THEMIS: variants seen among roughly 807,000 people sequenced by gnomAD.
THEMIS encodes the protein thymocyte selection associated, also known as protein THEMIS.
In THEMIS, 37 loss-of-function variants were observed where a neutral mutation model predicts 52.6. The observed-to-expected ratio is 0.70, with a 90% CI of 0.54 to 0.93. THEMIS has a LOEUF of 0.93. Among genes scored for constraint, THEMIS ranks in the 40% least tolerant of loss-of-function variants. The pLI is 0.00. For synonymous variants in THEMIS, 292 were observed against 272.7 expected (o/e 1.07, Z -0.70); for missense variants, 808 against 763.1 (o/e 1.06, Z -0.69).
At chr6:127,751,337 CA>C (rs1775637426) in intron 4 of THEMIS, among the ~76,000 whole-genome samples, 1 of 151,080 alleles carries the variant, frequency 6.6e-6, no homozygotes, top group Admixed American at 6.6e-5. Flanking sequence ...ATAGTAATAA[CA>C]AAGAAAAACC....
At chr6:127,712,724 C>A (rs554380713) in intron 5 of THEMIS, among the ~76,000 whole-genome samples, 1 of 151,744 alleles carries the variant, frequency 6.6e-6, no homozygotes, top group Admixed American at 6.6e-5. Flanking sequence ...TTGCTTTTTG[C>A]TTTTCTTTCT....
intron 4 of THEMIS, among the ~76,000 whole-genome samples, chr6:127,763,851 AAAG>A (rs1367562297): frequency 6.6e-6 from 1 of 151,964 alleles, no homozygotes; most frequent in East Asian, 1.9e-4. Context: ...TATATCACTC[AAAG>A]AAGTTTTTCC....
chr6:127,905,984 A>ATTAAATGAAATAATTTAAATGTAAT (rs1781260418), upstream of THEMIS, among the ~76,000 whole-genome samples: 1 of 145,580 alleles, frequency 6.9e-6, no homozygotes, highest in Admixed American at 6.7e-5. Flanking sequence ...TTTAAATGTA[A>ATTAAATGAAATAATTTAAATGTAAT]TTAAATGAAA....
intron 4 of THEMIS, among the ~76,000 whole-genome samples, chr6:127,722,366 C>A (rs1419299134): frequency 6.6e-6 from 1 of 151,940 alleles, no homozygotes; most frequent in Non-Finnish European, 1.5e-5. Flanking sequence ...GCACATTATA[C>A]CCTGGCATCT....
At chr6:127,864,202 G>C (rs1452532688) in intron 1 of THEMIS, among the ~76,000 whole-genome samples, 6 of 151,754 alleles carry the variant, frequency 4.0e-5, no homozygotes, top group Admixed American at 2.0e-4. Flanking sequence ...TAGACCAAGG[G>C]GGGCACAGTG....
chr6:127,734,812 T>C (rs1774933040), intron 4 of THEMIS, among the ~76,000 whole-genome samples: 1 of 128,068 alleles, frequency 7.8e-6, no homozygotes, highest in Non-Finnish European at 1.5e-5. Context: ...GAGGTTGCAA[T>C]GAGCCGAGAT....
At chr6:127,838,823 T>A (rs1321767008) in intron 2 of THEMIS, among the ~76,000 whole-genome samples, 1 of 152,132 alleles carries the variant, frequency 6.6e-6, no homozygotes, top group Non-Finnish European at 1.5e-5. Context: ...TAAAGTCTGT[T>A]TCTGAGCTAT....
intron 4 of THEMIS, among the ~76,000 whole-genome samples, chr6:127,794,502 A>C (rs1419161478): frequency 2.0e-5 from 3 of 151,692 alleles, no homozygotes; most frequent in Non-Finnish European, 4.4e-5. Context: ...TGGTTGAATC[A>C]TTTTTATTTA....
intron 2 of THEMIS, among the ~76,000 whole-genome samples, chr6:127,853,277 A>G (rs1779494545): frequency 6.6e-6 from 1 of 151,784 alleles, no homozygotes; most frequent in East Asian, 1.9e-4. Context: ...GAATTGTTAC[A>G]TCTAATTAGA....
chr6:127,888,744 C>A (rs535798584), intron 1 of THEMIS, among the ~76,000 whole-genome samples: 89 of 152,060 alleles, frequency 5.9e-4, no homozygotes, highest in African/African-American at 2.0e-3. Flanking sequence ...GCTACATATA[C>A]AAAGTCAACA....
intron 4 of THEMIS, among the ~76,000 whole-genome samples, chr6:127,730,321 A>AAAAAG (rs1174763634): frequency 1.1e-3 from 65 of 61,592 alleles, no homozygotes; most frequent in African/African-American, 2.3e-3. Flanking sequence ...GAAAAGAGAA[A>AAAAAG]AAAAGAAAAG....
intron 4 of THEMIS, among the ~76,000 whole-genome samples, chr6:127,803,512 G>A (rs1391878887): frequency 6.6e-6 from 1 of 151,978 alleles, no homozygotes; most frequent in East Asian, 1.9e-4. Flanking sequence ...CTACCTTAAT[G>A]AAGAGAAGAC....
chr6:127,771,875 G>T (rs1776397187), intron 4 of THEMIS, among the ~76,000 whole-genome samples: 1 of 152,044 alleles, frequency 6.6e-6, no homozygotes, highest in Non-Finnish European at 1.5e-5. Context: ...ACTGCAATCA[G>T]TATGGCACAT....
At chr6:127,745,700 T>A (rs148713409) in intron 4 of THEMIS, among the ~76,000 whole-genome samples, 60 of 152,000 alleles carry the variant, frequency 3.9e-4, no homozygotes, top group South Asian at 1.2e-3. Context: ...TCCACACCAG[T>A]TCAATCTTCT....
At chr6:127,710,137 A>G in intron 5 of THEMIS, 121 bp from the exon 6 acceptor site, 1 of 597,508 alleles carries the variant, frequency 1.7e-6, no homozygotes, top group Non-Finnish European at 2.7e-6. Context: ...AACGGTTGGA[A>G]GCAAAGCAGA....
chr6:127,738,573 G>A (rs944865668), intron 4 of THEMIS, among the ~76,000 whole-genome samples: 5 of 152,086 alleles, frequency 3.3e-5, no homozygotes, highest in South Asian at 2.1e-4. Context: ...CGACCTTGAC[G>A]ATTATTCTGC....
intron 2 of THEMIS, among the ~76,000 whole-genome samples, chr6:127,841,182 G>GC (rs1446803919): frequency 6.6e-6 from 1 of 152,008 alleles, no homozygotes; most frequent in Non-Finnish European, 1.5e-5. Context: ...GGTGGGGGAG[G>GC]CTGCCATATA....
intron 4 of THEMIS, among the ~76,000 whole-genome samples, chr6:127,724,485 C>T (rs1345875878): frequency 6.6e-6 from 1 of 151,906 alleles, no homozygotes; most frequent in African/African-American, 2.4e-5. Context: ...AAGGTTGGGT[C>T]CAGAGGAAAA....
chr6:127,845,725 A>G (rs572844088), intron 2 of THEMIS, among the ~76,000 whole-genome samples: 1 of 151,954 alleles, frequency 6.6e-6, no homozygotes, highest in Non-Finnish European at 1.5e-5. Context: ...AAAATAATAA[A>G]AGAAAATTGT....
Sources: gnomAD v4.1 joint callset for allele counts (sites outside exome capture counted in the v4.1 genomes callset) on GRCh38, gnomAD v4.1.1 for gene constraint, MANE v1.5 for transcripts, NCBI Gene and HGNC (gene_info 2026-07-23, HGNC 2026-07-21) for gene names.